The following ZC3H14 variants were observed in gnomAD, a reference collection of about 807,000 sequenced individuals.
The protein encoded by ZC3H14 is zinc finger CCCH domain-containing protein 14.
A neutral mutation model predicts 92.4 loss-of-function variants in ZC3H14; 31 were observed. The observed-to-expected ratio is 0.34, with a 90% CI of 0.25 to 0.45. The LOEUF (loss-of-function observed/expected upper bound fraction) is 0.45. ZC3H14 is among the 20% of genes least tolerant of loss of function. ZC3H14 has a pLI of 1.00. For synonymous variants in ZC3H14, 321 were observed against 300.9 expected (o/e 1.07, Z -0.69); for missense variants, 781 against 897.3 (o/e 0.87, Z 1.66).
Position 88,573,425 on chromosome 14 carries a change from ATTTAT to A in ZC3H14, c.861+433_861+437del, listed in dbSNP as rs1304507751. On this transcript the variant is annotated intron_variant, in intron 6 of 16. Transcript: ENST00000251038. The stretch of plus-strand genomic sequence containing the variant: ...AAAACAAAAAAAACACATATTCCAA[ATTTAT>A]TTTATTTTATTTTACTTTTTGAGAA... 1.9e-4 allele frequency among the ~76,000 whole-genome samples: 29 copies of A among 151,950 alleles called. 2 individuals carry two copies. The highest frequency in any genetic ancestry group is 1.0e-4 in the Non-Finnish European group (7 of 67,990).
In ZC3H14 at chr14:88,610,815, C is replaced by A; in HGVS notation, c.2098-19C>A. 6.2e-7 allele frequency: 1 copy of A among 1,601,664 alleles called. No homozygotes were observed. Among genetic ancestry groups the A allele is most frequent in the Non-Finnish European group, 8.6e-7 (1 of 1,168,780 alleles). ...ATTAGCCTTGTGGATATTGTTGAAG[C>A]TCTGTTATCTCTATTCAGCATTGTA... is the stretch of plus-strand genomic sequence containing the variant. On this transcript the variant is annotated intron_variant, in intron 15 of 16. Coordinates refer to ENST00000251038, the MANE Select transcript of ZC3H14 (RefSeq NM_024824.5).
rs568991440 is a variant in ZC3H14 at position 88,607,421 on chromosome 14, T to G, written c.1868+58T>G. 609 of 1,381,806 alleles carry G rather than the reference T, an allele frequency of 4.4e-4. 4 individuals are homozygous for G. In the African/African-American group the frequency reaches 0.012, roughly 27 times the overall value. 85.6% of individuals were successfully genotyped at this position (1,381,806 alleles called of 1,614,324 possible). On this transcript the variant is annotated intron_variant, in intron 13 of 16. Transcript: ENST00000251038. ...TGAGTACCATCCCCCCATCTCACCC[T>G]GCAAGTACCATCCCCCATCTCACCT... is the stretch of plus-strand genomic sequence containing the variant.
chr14:88,603,492 C>T (rs2084922390), intron 12 of ZC3H14, among the ~76,000 whole-genome samples: 2 of 152,170 alleles, frequency 1.3e-5, no homozygotes, highest in Admixed American at 6.5e-5. Context: ...GAGTTTCTCA[C>T]CTAATCTATC....
At position 88,618,772 on chromosome 14, in the gene ZC3H14, CA is replaced by C; in HGVS notation, c.*7022del. 6.3e-7 allele frequency: 1 copy of C among 1,599,684 alleles called. No individual in the cohort carries two copies. Among genetic ancestry groups the C allele is most frequent in the Non-Finnish European group, 8.5e-7 (1 of 1,171,970 alleles). The stretch of plus-strand genomic sequence containing the variant: ...AGGTCATAAAAATCCACTGAGTTCT[CA>C]CTAGAACCTACTGCCAGATACCGGG... On this transcript the variant is annotated 3_prime_UTR_variant, in exon 17 of 17. Coordinates refer to ENST00000251038, the MANE Select transcript of ZC3H14 (RefSeq NM_024824.5).
intron 2 of ZC3H14, among the ~76,000 whole-genome samples, chr14:88,567,490 AC>A (rs2079854346): frequency 6.6e-6 from 1 of 150,956 alleles, no homozygotes; most frequent in South Asian, 2.1e-4. Context: ...TGAGGGTAAA[AC>A]CGTGCATTGA....
Position 88,622,195 on chromosome 14 carries a change from A to G in ZC3H14, c.*10444A>G, listed in dbSNP as rs916603040. On this transcript the variant is annotated 3_prime_UTR_variant, in exon 17 of 17. Coordinates refer to ENST00000251038, the MANE Select transcript of ZC3H14 (RefSeq NM_024824.5). ...TCCAGTCTCATCCATGTTGCCACCAAGAATGACAGAATTTCATTATTTTTT... is the reference window on the plus strand; with the variant it reads ...TCCAGTCTCATCCATGTTGCCACCAGGAATGACAGAATTTCATTATTTTTT... 5 of 166,300 alleles carry G rather than the reference A, an allele frequency of 3.0e-5. No homozygotes were observed. Among genetic ancestry groups the G allele is most frequent in the African/African-American group, 1.2e-4 (5 of 41,992 alleles). The allele number at this position is 166,300 out of a possible 1,614,324, so 10.3% of individuals were successfully genotyped here.
At chr14:88,601,789 TGA>T (rs942930606) in intron 10 of ZC3H14, 133 bp from the exon 11 acceptor site, 5 of 1,070,832 alleles carry the variant, frequency 4.7e-6, no homozygotes, top group Non-Finnish European at 6.7e-6. Context: ...CCTGTTTTCC[TGA>T]GTGGAACCAG....
chr14:88,584,964 AAG>A (rs950829816), intron 9 of ZC3H14, among the ~76,000 whole-genome samples: 1 of 152,174 alleles, frequency 6.6e-6, no homozygotes, highest in African/African-American at 2.4e-5. Context: ...AAAAAAGAAA[AAG>A]AAAAAAATGT....
chr14:88,574,704 T>A lies in ZC3H14; in HGVS notation c.873T>A (p.Phe291Leu), dbSNP rs977749047. ...TTATCTGATTGCAGGATGAAAACTT[T>A]CGGAAGAGAAAGTTGCCTGTGGTAA... ...SEKMSMEDEN[F>L]RKRKLPVVSS... is the part of the protein sequence containing the mutation. The change falls in exon 7 of 17, where the codon TTT (phenylalanine) becomes TTA (leucine). Residue 291 changes from phenylalanine (F) to leucine (L), a missense_variant. Coordinates refer to ENST00000251038, the MANE Select transcript of ZC3H14 (RefSeq NM_024824.5). The A allele has an allele frequency of 6.2e-6, 10 of 1,614,100 alleles. No homozygotes were observed. Among genetic ancestry groups the A allele is most frequent in the Non-Finnish European group, 8.5e-6 (10 of 1,179,986 alleles).
intron 9 of ZC3H14, among the ~76,000 whole-genome samples, chr14:88,582,245 A>C (rs1262787668): frequency 6.6e-6 from 1 of 152,226 alleles, no homozygotes; most frequent in Non-Finnish European, 1.5e-5. Context: ...TTGATACAAA[A>C]GAACAGAACT....
chr14:88,623,491 GCTCA>G lies in ZC3H14; in HGVS notation c.*11743_*11746del, dbSNP rs2089425717. 6.6e-6 allele frequency: 1 copy of G among 151,936 alleles called. No homozygotes were observed. 9.4% of individuals were successfully genotyped at this position (151,936 alleles called of 1,614,324 possible). On this transcript the variant is annotated 3_prime_UTR_variant, in exon 17 of 17. Transcript: ENST00000251038. The stretch of plus-strand genomic sequence containing the variant: ...CCTGGAGTGCAGTGGTGTGATCTCG[GCTCA>G]CTGCAACCTGTGCCTCCCAGGTTCA...
chr14:88,563,349 G>A, intron 1 of ZC3H14, 180 bp downstream of exon 1: 1 of 1,461,592 alleles, frequency 6.8e-7, no homozygotes, highest in Middle Eastern at 2.5e-4. Flanking sequence ...TGCGGCCTCG[G>A]AGCGTGGCTG....
At chr14:88,586,705 A>G (rs1349672585) in intron 9 of ZC3H14, 1 of 152,220 alleles carries the variant, frequency 6.6e-6, no homozygotes, top group Non-Finnish European at 1.5e-5. Flanking sequence ...GAAGCATCCC[A>G]TATATTTGAA....
Position 88,616,707 on chromosome 14 carries a change from A to T in ZC3H14, c.*4956A>T. On this transcript the variant is annotated 3_prime_UTR_variant, in exon 17 of 17. Coordinates refer to ENST00000251038, the MANE Select transcript of ZC3H14 (RefSeq NM_024824.5). ...AAATTAGGAGTAAACTGATAATAGT[A>T]AACAAAACACAAACTTACAAATTTT... 1 of 1,605,614 alleles carries T rather than the reference A, an allele frequency of 6.2e-7. No homozygotes were observed. The highest frequency in any genetic ancestry group is 1.1e-5 in the South Asian group (1 of 89,574).
Position 88,618,460 on chromosome 14 carries a change from C to A in ZC3H14, c.*6709C>A. ...TAACATTATTAAGTATGCAAAAGAT[C>A]ACTACAAAAACTTAATAGGAGAAAA... is the stretch of plus-strand genomic sequence containing the variant. On this transcript the variant is annotated 3_prime_UTR_variant, in exon 17 of 17. Coordinates refer to ENST00000251038, the MANE Select transcript of ZC3H14 (RefSeq NM_024824.5). The A allele has an allele frequency of 9.2e-7, 1 of 1,092,538 alleles. No homozygotes were observed. Among genetic ancestry groups the A allele is most frequent in the South Asian group, 1.6e-5 (1 of 64,462 alleles). The allele number at this position is 1,092,538 out of a possible 1,614,324, so 67.7% of individuals were successfully genotyped here.
At chr14:88,568,242 G>C in intron 3 of ZC3H14, 89 bp downstream of exon 3, 2 of 1,112,386 alleles carry the variant, frequency 1.8e-6, no homozygotes, top group South Asian at 2.6e-5. Flanking sequence ...TGACACTTGA[G>C]TTAGGTTTAC....
At chr14:88,568,221 A>G (rs1384567725) in intron 3 of ZC3H14, 68 bp downstream of exon 3, 1 of 1,349,912 alleles carries the variant, frequency 7.4e-7, no homozygotes, top group South Asian at 1.2e-5. Context: ...TTCTGTCCAA[A>G]GAGAGGTTCT....
intron 9 of ZC3H14, chr14:88,594,894 G>T: frequency 6.2e-7 from 1 of 1,613,986 alleles, no homozygotes; most frequent in East Asian, 2.2e-5. Flanking sequence ...TTAAAGGAAT[G>T]AAAGCAGCTA....
chr14:88,607,401 A>G, intron 13 of ZC3H14, 38 bp downstream of exon 13: 1 of 1,384,052 alleles, frequency 7.2e-7, no homozygotes, highest in Non-Finnish European at 9.6e-7. Context: ...GCAAGTGAGT[A>G]CCATCCCCCC....
Sources: gnomAD v4.1 joint callset for allele counts (sites outside exome capture counted in the v4.1 genomes callset) on GRCh38, gnomAD v4.1.1 for gene constraint, MANE v1.5 for transcripts, NCBI Gene and HGNC (gene_info 2026-07-23, HGNC 2026-07-21) for gene names.